The following TRAPPC9 variants were observed in gnomAD, a reference collection of about 807,000 sequenced individuals.
TRAPPC9 encodes trafficking protein particle complex subunit 9.
In TRAPPC9, 83 loss-of-function variants were observed where a neutral mutation model predicts 124.0. The observed-to-expected ratio is 0.67, with a 90% confidence interval of 0.56 to 0.80. The LOEUF (loss-of-function observed/expected upper bound fraction) is 0.80. Among genes scored for constraint, TRAPPC9 ranks in the 30% least tolerant of loss-of-function variants. The pLI, the probability that TRAPPC9 is intolerant of heterozygous loss-of-function variation, is 0.00. For synonymous variants in TRAPPC9, 638 were observed against 617.5 expected (o/e 1.03, Z -0.49); for missense variants, 1,302 against 1,508.3 (o/e 0.86, Z 2.27).
At chr8:139,868,816 T>G (rs1587037614) in intron 21 of TRAPPC9, among the ~76,000 whole-genome samples, 1 of 152,228 alleles carries the variant, frequency 6.6e-6, no homozygotes, top group Admixed American at 6.5e-5. Context: ...CCGTCCTGCA[T>G]GGAGCTTATA....
intron 19 of TRAPPC9, among the ~76,000 whole-genome samples, chr8:139,974,251 C>A (rs1836293042): frequency 6.6e-6 from 1 of 152,200 alleles, no homozygotes; most frequent in South Asian, 2.1e-4. Flanking sequence ...TCTAGGAGAA[C>A]AAGTTACAGA....
chr8:140,368,573 C>T (rs1415113209), intron 8 of TRAPPC9, among the ~76,000 whole-genome samples: 1 of 152,158 alleles, frequency 6.6e-6, no homozygotes, highest in Non-Finnish European at 1.5e-5. Context: ...GGCCTTAGCT[C>T]TTCCTGGCAT....
At chr8:140,208,525 C>T (rs141154135) in intron 17 of TRAPPC9, among the ~76,000 whole-genome samples, 3 of 152,280 alleles carry the variant, frequency 2.0e-5, no homozygotes, top group East Asian at 3.9e-4. Context: ...TTCTGGTTAA[C>T]GCAGATGCCA....
chr8:139,757,078 A>G (rs374729403), intron 21 of TRAPPC9, among the ~76,000 whole-genome samples: 1,772 of 29,676 alleles, frequency 0.06, no homozygotes, highest in Middle Eastern at 0.11. Context: ...ACAGCAGGTC[A>G]CAGGAGGAGC....
At chr8:140,153,789 A>C (rs2061586277) in intron 17 of TRAPPC9, among the ~76,000 whole-genome samples, 1 of 152,224 alleles carries the variant, frequency 6.6e-6, no homozygotes, top group Non-Finnish European at 1.5e-5. Flanking sequence ...TTTCAGGATC[A>C]AGTCCAAATT....
At chr8:139,826,223 A>C (rs1286995578) in intron 21 of TRAPPC9, among the ~76,000 whole-genome samples, 2 of 152,176 alleles carry the variant, frequency 1.3e-5, no homozygotes, top group African/African-American at 2.4e-5. Context: ...GCCTGGAATC[A>C]ATAAACAGGG....
intron 21 of TRAPPC9, among the ~76,000 whole-genome samples, chr8:139,762,191 C>A (rs1181236201): frequency 6.6e-6 from 1 of 151,742 alleles, no homozygotes; most frequent in Non-Finnish European, 1.5e-5. Context: ...CTGAGGAAGA[C>A]CCCTGGAGTA....
chr8:139,925,821 GCACACGCACA>G (rs57776849), intron 19 of TRAPPC9, among the ~76,000 whole-genome samples: 72,428 of 145,518 alleles, frequency 0.5, 17,821 homozygotes, highest in East Asian at 0.61. Context: ...ACACGCACAC[GCACACGCACA>G]CACACACACA....
chr8:139,767,248 C>A (rs1406860216), intron 21 of TRAPPC9, among the ~76,000 whole-genome samples: 1 of 152,230 alleles, frequency 6.6e-6, no homozygotes, highest in African/African-American at 2.4e-5. Context: ...AGACAGGGTA[C>A]AGCACAGATG....
chr8:140,412,922 G>A (rs2069759054), intron 5 of TRAPPC9, among the ~76,000 whole-genome samples: 1 of 152,118 alleles, frequency 6.6e-6, no homozygotes, highest in Admixed American at 6.6e-5. Context: ...CATAGGCCAT[G>A]ATCCACTGGT....
intron 2 of TRAPPC9, among the ~76,000 whole-genome samples, chr8:140,450,518 TC>T (rs899054200): frequency 3.0e-4 from 46 of 151,596 alleles, no homozygotes; most frequent in African/African-American, 1.1e-3. Context: ...GCTCCAGGAG[TC>T]CCACGAGGGG....
At chr8:140,129,404 A>G (rs1053575816) in intron 17 of TRAPPC9, among the ~76,000 whole-genome samples, 1 of 152,144 alleles carries the variant, frequency 6.6e-6, no homozygotes. Flanking sequence ...CTAGAGGTGG[A>G]GCCCAAACAG....
chr8:139,919,931 C>T (rs997838875), intron 19 of TRAPPC9, among the ~76,000 whole-genome samples: 3 of 152,242 alleles, frequency 2.0e-5, no homozygotes, highest in African/African-American at 7.2e-5. Context: ...CCGCCTAGTG[C>T]TGGAACCATT....
chr8:139,957,331 G>A (rs1835059549), intron 19 of TRAPPC9, among the ~76,000 whole-genome samples: 1 of 152,240 alleles, frequency 6.6e-6, no homozygotes, highest in Non-Finnish European at 1.5e-5. Flanking sequence ...AGGGTGGGCG[G>A]CACCTATCGG....
intron 17 of TRAPPC9, among the ~76,000 whole-genome samples, chr8:140,192,418 A>G (rs1376226651): frequency 2.0e-5 from 3 of 152,240 alleles, no homozygotes; most frequent in Non-Finnish European, 4.4e-5. Flanking sequence ...TGACTTCTGC[A>G]GTCAACAGGC....
At chr8:140,082,827 A>G (rs1437309472) in intron 17 of TRAPPC9, among the ~76,000 whole-genome samples, 2 of 152,200 alleles carry the variant, frequency 1.3e-5, no homozygotes, top group African/African-American at 2.4e-5. Context: ...GGCATCCTCA[A>G]ACTCAGCTGG....
intron 9 of TRAPPC9, among the ~76,000 whole-genome samples, chr8:140,315,557 C>T (rs1292993356): frequency 1.3e-5 from 2 of 151,992 alleles, no homozygotes; most frequent in African/African-American, 4.8e-5. Flanking sequence ...AAAATTAAGG[C>T]TTCTTTCTCA....
chr8:140,348,005 C>A (rs961131247), intron 9 of TRAPPC9, among the ~76,000 whole-genome samples: 1 of 152,234 alleles, frequency 6.6e-6, no homozygotes, highest in Non-Finnish European at 1.5e-5. Context: ...GAGCACTGGG[C>A]TGAGAAGAAT....
intron 16 of TRAPPC9, among the ~76,000 whole-genome samples, chr8:140,246,533 T>C (rs1420904720): frequency 6.6e-6 from 1 of 152,230 alleles, no homozygotes; most frequent in Admixed American, 6.5e-5. Flanking sequence ...TTACTTCCTG[T>C]CTTCCATATG....
Sources: gnomAD v4.1 joint callset for allele counts (sites outside exome capture counted in the v4.1 genomes callset) on GRCh38, gnomAD v4.1.1 for gene constraint, MANE v1.5 for transcripts, NCBI Gene and HGNC (gene_info 2026-07-23, HGNC 2026-07-21) for gene names.